SORCS2: variants seen among roughly 807,000 people sequenced by gnomAD.
SORCS2 encodes the protein sortilin related VPS10 domain containing receptor 2, also known as VPS10 domain-containing receptor SorCS2.
A neutral mutation model predicts 141.6 loss-of-function variants in SORCS2; 100 were observed. The observed-to-expected ratio is 0.71, with a 90% confidence interval of 0.60 to 0.83. The LOEUF is 0.83. Among genes scored for constraint, SORCS2 ranks in the 40% least tolerant of loss-of-function variants. The pLI is 0.00. For missense variants in SORCS2, 1,646 were observed against 1,560.2 expected, an observed-to-expected ratio of 1.05 and a Z score of -0.93; for synonymous variants, 789 against 676.9, an observed-to-expected ratio of 1.17 and a Z score of -2.57.
chr4:7,253,754 G>A (rs1713660673), intron 1 of SORCS2, among the ~76,000 whole-genome samples: 2 of 152,192 alleles, frequency 1.3e-5, no homozygotes, highest in African/African-American at 2.4e-5. Flanking sequence ...CCCTCCAGGT[G>A]GGCAGGAGGC....
intron 3 of SORCS2, among the ~76,000 whole-genome samples, chr4:7,617,593 G>C (rs1718852012): frequency 6.6e-6 from 1 of 152,224 alleles, no homozygotes. Context: ...GAACCATGGT[G>C]GGGGATTGGG....
At position 7,240,927 on chromosome 4, in the gene SORCS2, TTTA is replaced by T. The variant is rs912495773; in HGVS notation, c.480+47819_480+47821del. Reference sequence around the variant, plus strand: ...TGAATTTTAGATAAGCAACAAATAATTTATTATTATTATTATTATTTTTTGAGG... The same window carrying T: ...TGAATTTTAGATAAGCAACAAATAATTTATTATTATTATTATTTTTTGAGG... On this transcript the variant is annotated intron_variant, in intron 1 of 26. Transcript: ENST00000507866. Among the ~76,000 whole-genome samples the T allele has an allele frequency of 7.2e-5, 11 of 152,124 alleles. No individual in the cohort carries two copies. The South Asian group carries it at 1.0e-3, about 14-fold the overall frequency.
chr4:7,595,575 T>C (rs943490135), intron 3 of SORCS2, among the ~76,000 whole-genome samples: 1 of 148,414 alleles, frequency 6.7e-6, no homozygotes, highest in Non-Finnish European at 1.5e-5. Flanking sequence ...AAAGACGTTC[T>C]TGTCACTCTT....
chr4:7,334,481 G>A (rs890001458), intron 1 of SORCS2, among the ~76,000 whole-genome samples: 1 of 151,972 alleles, frequency 6.6e-6, no homozygotes, highest in Non-Finnish European at 1.5e-5. Flanking sequence ...AGTGAGCTCT[G>A]AGGGCCAGGC....
chr4:7,328,018 CTTTTTTTTTTTTT>C (rs60976971), intron 1 of SORCS2, among the ~76,000 whole-genome samples: 1,937 of 88,854 alleles, frequency 0.022, 84 homozygotes, highest in African/African-American at 0.076. Context: ...TCGTGCTAGG[CTTTTTTTTTTTTT>C]TTTTTTTTTT....
At chr4:7,654,723 C>G (rs2108900443) in intron 5 of SORCS2, among the ~76,000 whole-genome samples, 1 of 152,308 alleles carries the variant, frequency 6.6e-6, no homozygotes, top group South Asian at 2.1e-4. Context: ...TTCCACTGCT[C>G]AGCCTGTCAC....
intron 4 of SORCS2, among the ~76,000 whole-genome samples, chr4:7,639,893 G>A (rs144747393): frequency 4.7e-5 from 7 of 148,916 alleles, no homozygotes; most frequent in East Asian, 2.0e-4. Context: ...GGGTGTGCAC[G>A]TGAAAGTGTG....
At chr4:7,323,967 T>C (rs1189227927) in intron 1 of SORCS2, among the ~76,000 whole-genome samples, 1 of 152,208 alleles carries the variant, frequency 6.6e-6, no homozygotes, top group Non-Finnish European at 1.5e-5. Flanking sequence ...GAGACCCCAC[T>C]GTATACCACA....
intron 1 of SORCS2, among the ~76,000 whole-genome samples, chr4:7,360,362 C>A (rs531458602): frequency 6.6e-6 from 1 of 152,026 alleles, no homozygotes; most frequent in Non-Finnish European, 1.5e-5. Flanking sequence ...CTGCCTGACA[C>A]GAAACACTGC....
At chr4:7,446,806 G>C (rs1474308877) in intron 2 of SORCS2, among the ~76,000 whole-genome samples, 3 of 152,224 alleles carry the variant, frequency 2.0e-5, no homozygotes, top group Non-Finnish European at 4.4e-5. Flanking sequence ...GGAAACCCCG[G>C]GACATGGAGA....
rs73089801 is a variant in SORCS2 at position 7,535,242 on chromosome 4, G to A, written c.648+3613G>A. ...GGAGGCACCAGGAGGCCCACCAAGG[G>A]CCTTGCTGAATCTGAACTTGTTGCT... On this transcript the variant is annotated intron_variant, in intron 3 of 26. Coordinates refer to ENST00000507866, the MANE Select transcript of SORCS2 (RefSeq NM_020777.3). Among the ~76,000 whole-genome samples the A allele has an allele frequency of 6.5e-3, 992 of 152,344 alleles. 11 individuals carry two copies. Among genetic ancestry groups the A allele is most frequent in the African/African-American group, 0.023 (945 of 41,574 alleles).
In SORCS2 at chr4:7,297,855, C is replaced by T. The variant is rs372691398; in HGVS notation, c.481-98433C>T. On this transcript the variant is annotated intron_variant, in intron 1 of 26. Coordinates refer to ENST00000507866, the MANE Select transcript of SORCS2 (RefSeq NM_020777.3). The stretch of plus-strand genomic sequence containing the variant: ...GTCTGGGGCTTTGTGCTGGCCCCAC[C>T]GTCCAGAGGGCCCAGCCCTGTCTGT... 1.5e-4 allele frequency among the ~76,000 whole-genome samples: 23 copies of T among 152,294 alleles called. No homozygotes were observed. In the East Asian group the frequency reaches 3.9e-3, roughly 26 times the overall value.
rs1280744997 is a variant in SORCS2 at position 7,289,358 on chromosome 4, G to C, written c.480+96232G>C. On this transcript the variant is annotated intron_variant, in intron 1 of 26. Transcript: ENST00000507866. ...GATTTCACAGCTTGGAGCCCACTGT[G>C]CCAACTCTGACATCACATATTAGTG... Among the ~76,000 whole-genome samples the C allele has an allele frequency of 2.6e-5, 4 of 152,146 alleles. No homozygotes were observed. In the South Asian group the frequency reaches 8.3e-4, roughly 32 times the overall value.
intron 11 of SORCS2, among the ~76,000 whole-genome samples, chr4:7,693,797 T>G (rs576063726): frequency 1.2e-4 from 18 of 152,362 alleles, no homozygotes; most frequent in African/African-American, 3.8e-4. Context: ...AGTCCCTTTT[T>G]TGGCGACTCG....
At chr4:7,278,884 G>C (rs1251992588) in intron 1 of SORCS2, among the ~76,000 whole-genome samples, 5 of 152,194 alleles carry the variant, frequency 3.3e-5, no homozygotes, top group Admixed American at 1.3e-4. Context: ...TTAGAGCTTA[G>C]AAAGGCTTGA....
chr4:7,524,792 G>A (rs1015856610), intron 2 of SORCS2, among the ~76,000 whole-genome samples: 12 of 144,316 alleles, frequency 8.3e-5, no homozygotes, highest in East Asian at 2.4e-4. Context: ...TCCCCACCCC[G>A]CCGCCACTGC....
intron 3 of SORCS2, among the ~76,000 whole-genome samples, chr4:7,548,876 G>A (rs777397645): frequency 3.3e-5 from 5 of 152,214 alleles, no homozygotes; most frequent in South Asian, 2.1e-4. Flanking sequence ...CTACTCTGCC[G>A]GATTGACAAA....
chr4:7,515,198 C>A (rs1410304080), intron 2 of SORCS2, among the ~76,000 whole-genome samples: 1 of 152,298 alleles, frequency 6.6e-6, no homozygotes, highest in Admixed American at 6.5e-5. Flanking sequence ...ACAGAAGGGA[C>A]GCCTGAGGTC....
rs556326429 is a variant in SORCS2 at position 7,499,045 on chromosome 4, A to T, written c.549-32485A>T. On this transcript the variant is annotated intron_variant, in intron 2 of 26. Coordinates refer to ENST00000507866, the MANE Select transcript of SORCS2 (RefSeq NM_020777.3). ...ACGGGAGGGACACGGCACAGGGTGC[A>T]TGTGTGTGCACAATCACGTGTGCAT... Among the ~76,000 whole-genome samples the T allele has an allele frequency of 3.3e-5, 5 of 152,032 alleles. No homozygotes were observed. In the East Asian group the frequency reaches 7.7e-4, roughly 23 times the overall value.
Sources: gnomAD v4.1 joint callset for allele counts (sites outside exome capture counted in the v4.1 genomes callset) on GRCh38, gnomAD v4.1.1 for gene constraint, MANE v1.5 for transcripts, NCBI Gene and HGNC (gene_info 2026-07-23, HGNC 2026-07-21) for gene names.